The following MGA variants were observed in gnomAD, a reference collection of about 807,000 sequenced individuals.
The protein encoded by MGA is MAX gene-associated protein.
Under a neutral mutation model 261.1 loss-of-function variants are expected in MGA, and 40 were observed. The ratio of observed to expected loss-of-function variants is 0.15; its 90% CI spans 0.12 to 0.20. The LOEUF is 0.20. Ranked by LOEUF, MGA falls within the 10% of genes least tolerant of loss-of-function variation. MGA has a pLI of 1.00. For synonymous variants in MGA, 1,302 were observed against 1,290.6 expected, an observed-to-expected ratio of 1.01 and a Z score of -0.19; for missense variants, 3,397 against 3,630.5, an observed-to-expected ratio of 0.94 and a Z score of 1.65.
chr15:41,718,310 T>TATATATAC (rs2060755683), intron 9 of MGA: 1 of 240,552 alleles, frequency 4.2e-6, no homozygotes, highest in African/African-American at 2.3e-5. Flanking sequence ...TGTATATATA[T>TATATATAC]ATATATATAT....
At position 41,762,314 on chromosome 15, in the gene MGA, A is replaced by C. The variant is rs1308270144; in HGVS notation, c.7696A>C (p.Arg2566=). Residue 2566 remains arginine (R), a synonymous_variant, in exon 22 of 24, where the codon AGG becomes CGG. Transcript: ENST00000219905. ...TCTTGGACAGATGTTTATAAATAAC[A>C]GGAGGGGGAAACCTTTGATTCTTTC... is the stretch of plus-strand genomic sequence containing the variant. The C allele has an allele frequency of 1.2e-6, 2 of 1,613,944 alleles. No individual in the cohort carries two copies. Among genetic ancestry groups the C allele is most frequent in the Admixed American group, 1.7e-5 (1 of 60,010 alleles).
chr15:41,767,564 A>G lies in MGA; in HGVS notation c.*284A>G. 7.7e-6 allele frequency: 3 copies of G among 389,266 alleles called. No homozygotes were observed. In the South Asian group the frequency reaches 1.7e-4, roughly 22 times the overall value. The allele number at this position is 389,266 out of a possible 1,614,324, so 24.1% of individuals were successfully genotyped here. On this transcript the variant is annotated 3_prime_UTR_variant, in exon 24 of 24. Coordinates refer to ENST00000219905, the MANE Select transcript of MGA (RefSeq NM_001164273.2). ...GAACATGAGGTGCCCCTCTTACCCAAGGAATTTATAACATGACTCTGGCTC... is the reference window on the plus strand; with the variant it reads ...GAACATGAGGTGCCCCTCTTACCCAGGGAATTTATAACATGACTCTGGCTC...
At chr15:41,682,032 C>T (rs2058708291) in intron 2 of MGA, among the ~76,000 whole-genome samples, 1 of 152,028 alleles carries the variant, frequency 6.6e-6, no homozygotes, top group African/African-American at 2.4e-5. Flanking sequence ...ATTCTCTTGC[C>T]TCAGCCTCCG....
chr15:41,726,606 G>C (rs1031878949), intron 9 of MGA, among the ~76,000 whole-genome samples: 1 of 151,754 alleles, frequency 6.6e-6, no homozygotes, highest in African/African-American at 2.4e-5. Flanking sequence ...GCATATACCT[G>C]TAATCCCAGC....
chr15:41,698,426 A>G (rs1378017489), intron 3 of MGA, among the ~76,000 whole-genome samples: 1 of 152,028 alleles, frequency 6.6e-6, no homozygotes, highest in Non-Finnish European at 1.5e-5. Flanking sequence ...CGGCCTCCCA[A>G]AGTGCTGGGA....
In MGA at chr15:41,683,259, C is replaced by T. The variant is rs551294599; in HGVS notation, c.1065-12816C>T. Among the ~76,000 whole-genome samples the T allele has an allele frequency of 6.6e-5, 10 of 152,124 alleles. No individual in the cohort carries two copies. The South Asian group carries it at 2.1e-3, about 32-fold the overall frequency. The stretch of plus-strand genomic sequence containing the variant: ...ATTGAGACAGGGTTTTGCTTTGTTA[C>T]CCAGGCTGGAGTGCTGGGACACAAT... On this transcript the variant is annotated intron_variant, in intron 2 of 23. Transcript: ENST00000219905.
intron 15 of MGA, among the ~76,000 whole-genome samples, chr15:41,745,028 G>T (rs182613874): frequency 1.8e-4 from 28 of 152,164 alleles, no homozygotes; most frequent in Non-Finnish European, 2.4e-4. Flanking sequence ...GCAGGTGCCC[G>T]CCACCACGCA....
intron 2 of MGA, among the ~76,000 whole-genome samples, chr15:41,690,252 T>C (rs77527356): frequency 3.3e-5 from 5 of 152,374 alleles, no homozygotes; most frequent in African/African-American, 4.8e-5. Context: ...GGTTCATCCA[T>C]GTGTAGCATG....
chr15:41,669,975 C>A lies in MGA; in HGVS notation c.1064+17C>A. On this transcript the variant is annotated intron_variant, in intron 2 of 23. Transcript: ENST00000219905. ...TTCTGAATGGTAAGTAGTAGTTTTT[C>A]TGTTCTTAGAAATAAAAGGAAGATT... 2.5e-6 allele frequency: 4 copies of A among 1,583,440 alleles called. No individual in the cohort carries two copies. The highest frequency in any genetic ancestry group is 2.6e-6 in the Non-Finnish European group (3 of 1,159,712).
In MGA at chr15:41,762,227, G is replaced by A; in HGVS notation, c.7609G>A (p.Glu2537Lys). ...AAGAAAAAAGAAGATGGGATCAGAT[G>A]AGTTTGACATATCTCCCAGAATTAG... Residue 2537 changes from glutamate to lysine, a missense_variant, in exon 22 of 24, where the codon GAG becomes AAG. This residue lies in a region of MGA where 647 missense variants were observed against 642.4 expected (regional missense o/e 1.01). Transcript: ENST00000219905. 3 of 1,613,902 alleles carry A rather than the reference G, an allele frequency of 1.9e-6. No homozygotes were observed. The highest frequency in any genetic ancestry group is 2.5e-6 in the Non-Finnish European group (3 of 1,179,862).
intron 5 of MGA, among the ~76,000 whole-genome samples, chr15:41,703,519 C>T (rs1165514941): frequency 1.3e-5 from 2 of 152,144 alleles, no homozygotes; most frequent in African/African-American, 4.8e-5. Context: ...AGTTATTTTG[C>T]ACCAGAGATT....
At chr15:41,696,011 TC>T in intron 2 of MGA, 63 bp from the exon 3 acceptor site, 3 of 1,142,378 alleles carry the variant, frequency 2.6e-6, no homozygotes, top group Non-Finnish European at 2.5e-6. Context: ...TTTTTTTTTC[TC>T]TTCAAGTCTT....
At chr15:41,743,215 C>G in intron 15 of MGA, 43 bp downstream of exon 15, 1 of 1,528,372 alleles carries the variant, frequency 6.5e-7, no homozygotes, top group South Asian at 1.3e-5. Context: ...TACTGTACAC[C>G]TATTTATATA....
chr15:41,755,150 T>C (rs977614463), intron 18 of MGA, among the ~76,000 whole-genome samples: 2 of 152,206 alleles, frequency 1.3e-5, no homozygotes, highest in Admixed American at 1.3e-4. Context: ...ATTTTCTGTT[T>C]TAGTAAGCCT....
chr15:41,697,058 A>G, intron 3 of MGA, 35 bp downstream of exon 3: 2 of 1,435,198 alleles, frequency 1.4e-6, no homozygotes, highest in Non-Finnish European at 1.9e-6. Flanking sequence ...TTTAAGGCTA[A>G]TTAGTCATAC....
intron 23 of MGA, 90 bp downstream of exon 23, chr15:41,765,152 A>G: frequency 1.4e-6 from 2 of 1,402,846 alleles, no homozygotes; most frequent in East Asian, 2.3e-5. Context: ...TGTGTTCTGT[A>G]ATGATAAAGA....
chr15:41,689,013 T>C (rs1039664611), intron 2 of MGA, among the ~76,000 whole-genome samples: 2 of 152,160 alleles, frequency 1.3e-5, no homozygotes, highest in Admixed American at 1.3e-4. Flanking sequence ...TTAAAACCTC[T>C]TTTAACCCTA....
intron 9 of MGA, among the ~76,000 whole-genome samples, chr15:41,725,143 G>A (rs1054682391): frequency 2.6e-5 from 4 of 152,174 alleles, no homozygotes; most frequent in East Asian, 1.9e-4. Context: ...ACTTCACTAC[G>A]GCTGCTTTAT....
chr15:41,742,896 A>G lies in MGA; in HGVS notation c.4936A>G (p.Ser1646Gly). ...TGTTGAGGTCTCTGAAACTAATACCAGCACCTCTGTAACATCTACCCAGTC... is the reference window on the plus strand; with the variant it reads ...TGTTGAGGTCTCTGAAACTAATACCGGCACCTCTGTAACATCTACCCAGTC... Residue 1646 changes from serine to glycine, a missense_variant, in exon 15 of 24, where the codon AGC (serine) becomes GGC (glycine). Physicochemically the swap from Ser to Gly is moderately conservative, Grantham distance 56. Around this residue, in one of 9 missense-constraint regions of MGA, gnomAD observed 1,410 missense variants for 1,386.4 expected, o/e 1.02. Transcript: ENST00000219905. 2.5e-6 allele frequency: 4 copies of G among 1,614,046 alleles called. No homozygotes were observed. Among genetic ancestry groups the G allele is most frequent in the Non-Finnish European group, 2.5e-6 (3 of 1,179,888 alleles).
Sources: gnomAD v4.1 joint callset for allele counts (sites outside exome capture counted in the v4.1 genomes callset) on GRCh38, gnomAD v4.1.1 for gene constraint, gnomAD v4.1.1 regional missense constraint, MANE v1.5 for transcripts, NCBI Gene and HGNC (gene_info 2026-07-23, HGNC 2026-07-21) for gene names.